Variants in DCT observed in about 807,000 individuals in gnomAD.
DCT encodes the protein dopachrome tautomerase, also known as L-dopachrome tautomerase.
Under a neutral mutation model 53.0 loss-of-function variants are expected in DCT, and 47 were observed. That is an observed-to-expected ratio of 0.89 (90% confidence interval 0.70 to 1.13). DCT has a LOEUF of 1.13. DCT is among the 50% of genes most tolerant of loss of function. DCT has a pLI of 0.00. For missense variants in DCT, 669 were observed against 637.4 expected, an observed-to-expected ratio of 1.05 and a Z score of -0.53; for synonymous variants, 244 against 237.0, an observed-to-expected ratio of 1.03 and a Z score of -0.27.
chr13:94,535,198 G>A, the DCT span, among the ~76,000 whole-genome samples: 1 of 152,176 alleles, frequency 6.6e-6, no homozygotes, highest in Non-Finnish European at 1.5e-5. Context: ...CTATATACCT[G>A]TTTTCATGCA....
chr13:94,540,647 C>T, the DCT span, among the ~76,000 whole-genome samples: 2 of 152,112 alleles, frequency 1.3e-5, no homozygotes, highest in African/African-American at 4.8e-5. Context: ...ATCGAAAAGA[C>T]AGATGCTGGT....
chr13:94,468,933 CT>C lies in DCT; in HGVS notation c.407del (p.Gln136ArgfsTer10). On this transcript the variant is annotated frameshift_variant, in exon 2 of 8. Coordinates refer to ENST00000377028, the MANE Select transcript of DCT (RefSeq NM_001922.5). LOFTEE classifies it high-confidence loss of function. ...AGGCGCCCAAGAACTGCTCTCTTTC[CT>C]GAGGACTCAAGGAATGGATGTTCTG... The part of the protein sequence containing the change: ...IRQNIHSLSP[Q>X]EREQFLGALD... The C allele has an allele frequency of 1.2e-6, 2 of 1,614,168 alleles. No individual in the cohort carries two copies. Among genetic ancestry groups the C allele is most frequent in the Non-Finnish European group, 1.7e-6 (2 of 1,180,034 alleles).
chr13:94,455,616 A>G (rs1248573174), intron 6 of DCT, among the ~76,000 whole-genome samples: 1 of 152,228 alleles, frequency 6.6e-6, no homozygotes, highest in East Asian at 1.9e-4. Flanking sequence ...TAGTTACAAC[A>G]GAAAACATCT....
At chr13:94,458,009 AC>A (rs1883522690) in intron 6 of DCT, among the ~76,000 whole-genome samples, 1 of 152,212 alleles carries the variant, frequency 6.6e-6, no homozygotes, top group African/African-American at 2.4e-5. Flanking sequence ...ACGGATCAGG[AC>A]AAAAACAAGA....
the DCT span, among the ~76,000 whole-genome samples, chr13:94,490,451 G>A: frequency 7.4e-6 from 1 of 135,154 alleles, no homozygotes; most frequent in South Asian, 2.5e-4. Context: ...GTTGCAGTGA[G>A]CCGAGATTGT....
intron 6 of DCT, among the ~76,000 whole-genome samples, chr13:94,458,145 C>T (rs1226308759): frequency 6.6e-6 from 1 of 152,124 alleles, no homozygotes; most frequent in Non-Finnish European, 1.5e-5. Context: ...TGGCTTTAAC[C>T]TCAGTCTAGT....
intron 4 of DCT, among the ~76,000 whole-genome samples, chr13:94,463,926 G>A (rs1229750065): frequency 1.3e-5 from 2 of 152,150 alleles, no homozygotes; most frequent in East Asian, 3.9e-4. Flanking sequence ...CCAGGGTTAG[G>A]CTCCTCTTGA....
rs1881955618 is a variant in DCT at position 94,437,178 on chromosome 13, T to A, written c.*2720A>T. ...ATAGCATATCAGTTTAAGAGATTATTTTTCAGACTGAGGTTGTTATTATAT... is the reference window on the plus strand; with the variant it reads ...ATAGCATATCAGTTTAAGAGATTATATTTCAGACTGAGGTTGTTATTATAT... On this transcript the variant is annotated 3_prime_UTR_variant, in exon 8 of 8. Transcript: ENST00000377028. 1 of 152,220 alleles carries A rather than the reference T, an allele frequency of 6.6e-6. No individual in the cohort carries two copies. Among genetic ancestry groups the A allele is most frequent in the South Asian group, 2.1e-4 (1 of 4,830 alleles). 9.4% of individuals were successfully genotyped at this position (152,220 alleles called of 1,614,324 possible). A position where few individuals can be genotyped will look rare whatever the true frequency, so the allele number is the denominator to read the frequency against.
At chr13:94,505,752 T>C in the DCT span, among the ~76,000 whole-genome samples, 1 of 152,212 alleles carries the variant, frequency 6.6e-6, no homozygotes, top group Admixed American at 6.5e-5. Context: ...GCCAACACTA[T>C]TGTCTTCTCA....
At chr13:94,459,303 T>C (rs1230961693) in intron 6 of DCT, among the ~76,000 whole-genome samples, 1 of 152,218 alleles carries the variant, frequency 6.6e-6, no homozygotes, top group Non-Finnish European at 1.5e-5. Flanking sequence ...TTACTGTCTG[T>C]ATTATTACAT....
In DCT at chr13:94,439,956, C is replaced by T. The variant is rs761718082; in HGVS notation, c.1502G>A (p.Gly501Glu). 4 of 1,613,878 alleles carry T rather than the reference C, an allele frequency of 2.5e-6. No individual in the cohort carries two copies. The highest frequency in any genetic ancestry group is 2.5e-6 in the Non-Finnish European group (3 of 1,179,938). ...AFLQYRRLRK[G>E]YTPLMETHLS... The stretch of plus-strand genomic sequence containing the variant: ...ATGTGTCTCCATTAGGGGTGTATAT[C>T]CTTTTCGAAGTCTTCTATATTGAAG... Residue 501 changes from glycine to glutamate, a missense_variant, in exon 8 of 8, where the codon GGA (glycine) becomes GAA (glutamate). Transcript: ENST00000377028.
At position 94,478,971 on chromosome 13, in the gene DCT, G is replaced by T. The variant is rs2139382268; in HGVS notation, c.285C>A (p.Cys95Ter). 6.2e-7 allele frequency: 1 copy of T among 1,609,262 alleles called. No individual in the cohort carries two copies. Among genetic ancestry groups the T allele is most frequent in the East Asian group, 2.2e-5 (1 of 44,742 alleles). The change falls in exon 1 of 8, where the codon TGC becomes TGA. Residue 95 changes from cysteine (C) to a stop codon, truncating the protein, a stop_gained. Transcript: ENST00000377028. LOFTEE classifies it high-confidence loss of function. ...LWPRKFFHRT[C>*]KCTGNFAGYN... ...GAGCATGGGCCTCACCTGTGCACTT[G>T]CAGGTCCGGTGGAAGAATTTTCTTG...
the DCT span, among the ~76,000 whole-genome samples, chr13:94,489,642 C>A: frequency 6.6e-6 from 1 of 152,124 alleles, no homozygotes; most frequent in Non-Finnish European, 1.5e-5. Context: ...TTACTACCTT[C>A]ATAATCAGTA....
At chr13:94,533,209 T>C in the DCT span, among the ~76,000 whole-genome samples, 4 of 143,428 alleles carry the variant, frequency 2.8e-5, no homozygotes, top group East Asian at 4.2e-4. Flanking sequence ...AGTTATAACA[T>C]GAAAGAATCC....
chr13:94,501,532 T>C, the DCT span, among the ~76,000 whole-genome samples: 1 of 152,058 alleles, frequency 6.6e-6, no homozygotes, highest in Non-Finnish European at 1.5e-5. Context: ...AAGCACCTAC[T>C]GTATGCCTGG....
At chr13:94,508,205 A>G in the DCT span, among the ~76,000 whole-genome samples, 14 of 152,240 alleles carry the variant, frequency 9.2e-5, no homozygotes, top group Admixed American at 4.6e-4. Context: ...CCTACTACAT[A>G]TGAAGCACTG....
the DCT span, among the ~76,000 whole-genome samples, chr13:94,518,072 G>C: frequency 7.1e-6 from 1 of 140,798 alleles, no homozygotes; most frequent in Admixed American, 7.6e-5. Flanking sequence ...GAAAAGAAAA[G>C]AAAAGAAGGA....
chr13:94,532,040 T>C, the DCT span, among the ~76,000 whole-genome samples: 474 of 152,274 alleles, frequency 3.1e-3, 2 homozygotes, highest in African/African-American at 0.011. Flanking sequence ...AAAAAATGCT[T>C]ATCATCACTG....
the DCT span, among the ~76,000 whole-genome samples, chr13:94,512,700 A>G: frequency 2.0e-5 from 3 of 147,134 alleles, no homozygotes; most frequent in Non-Finnish European, 4.4e-5. Flanking sequence ...CAACATGCCA[A>G]TGGTTTCATA....
Sources: gnomAD v4.1 joint callset for allele counts (sites outside exome capture counted in the v4.1 genomes callset) on GRCh38, gnomAD v4.1.1 for gene constraint, MANE v1.5 for transcripts, NCBI Gene and HGNC (gene_info 2026-07-23, HGNC 2026-07-21) for gene names.